Variants in IL20RB observed in about 807,000 individuals in gnomAD.
The protein encoded by IL20RB is interleukin-20 receptor subunit beta.
In IL20RB, 21 loss-of-function variants were observed where a neutral mutation model predicts 33.3. The observed-to-expected ratio is 0.63, with a 90% CI of 0.45 to 0.91. The LOEUF (loss-of-function observed/expected upper bound fraction) is 0.91. Among genes scored for constraint, IL20RB ranks in the 40% least tolerant of loss-of-function variants. IL20RB has a pLI of 0.00. For missense variants in IL20RB, 345 were observed against 384.8 expected (o/e 0.90, Z 0.86); for synonymous variants, 147 against 146.8 (o/e 1.00, Z -0.01).
At chr3:136,986,783 C>T (rs1419748422) in intron 3 of IL20RB, 4 of 456,068 alleles carry the variant, frequency 8.8e-6, no homozygotes, top group Admixed American at 4.7e-5. Flanking sequence ...CAGACCCTCG[C>T]GGTGAGTGTT....
intron 6 of IL20RB, among the ~76,000 whole-genome samples, chr3:137,001,710 T>C (rs926598880): frequency 1.3e-5 from 2 of 152,192 alleles, no homozygotes; most frequent in African/African-American, 2.4e-5. Context: ...TAGGTGATGG[T>C]TGCACTCTGA....
chr3:136,986,760 A>G (rs1438797960), intron 3 of IL20RB: 1 of 456,868 alleles, frequency 2.2e-6, no homozygotes, highest in South Asian at 1.5e-5. Flanking sequence ...CACTGACTTC[A>G]AGAATGAAGC....
chr3:136,993,094 G>A (rs1942063623), intron 5 of IL20RB, among the ~76,000 whole-genome samples: 1 of 152,216 alleles, frequency 6.6e-6, no homozygotes, highest in South Asian at 2.1e-4. Context: ...CAGGCATGGT[G>A]GCTCACACCT....
intron 6 of IL20RB, among the ~76,000 whole-genome samples, chr3:137,001,727 A>T (rs749550284): frequency 6.6e-6 from 1 of 152,146 alleles, no homozygotes; most frequent in African/African-American, 2.4e-5. Context: ...CTGAAATATG[A>T]CATTAAGAAT....
intron 3 of IL20RB, among the ~76,000 whole-genome samples, chr3:136,984,715 G>C (rs529595814): frequency 6.6e-6 from 1 of 152,218 alleles, no homozygotes; most frequent in African/African-American, 2.4e-5. Flanking sequence ...TTTTGGTGCA[G>C]ATTGTGGGCT....
intron 2 of IL20RB, among the ~76,000 whole-genome samples, chr3:136,981,012 T>C (rs184536900): frequency 6.6e-6 from 1 of 152,326 alleles, no homozygotes; most frequent in East Asian, 1.9e-4. Flanking sequence ...GAGCAGGCTC[T>C]AGTCTTCTCC....
At chr3:136,989,398 C>G (rs1941985735) in intron 3 of IL20RB, 43 bp from the exon 4 acceptor site, 3 of 1,610,014 alleles carry the variant, frequency 1.9e-6, no homozygotes, top group Admixed American at 1.7e-5. Context: ...GAAATCAACC[C>G]TGTCTGGGGC....
At position 137,010,493 on chromosome 3, in the gene IL20RB, C is replaced by G. The variant is rs1933068069; in HGVS notation, c.*270C>G. 2.8e-6 allele frequency: 1 copy of G among 362,048 alleles called. No homozygotes were observed. The highest frequency in any genetic ancestry group is 2.0e-5 in the African/African-American group (1 of 49,086). The allele number at this position is 362,048 out of a possible 1,614,324, so 22.4% of individuals were successfully genotyped here. On this transcript the variant is annotated 3_prime_UTR_variant, in exon 7 of 7. Transcript: ENST00000329582. ...GGAAAAGTGACTTCATCCCTTCGGT[C>G]CTAAGTTTTCTCATCTGTAATGGGG...
At chr3:136,995,290 G>T (rs1942103718) in intron 5 of IL20RB, 124 bp from the exon 6 acceptor site, 16 of 1,134,398 alleles carry the variant, frequency 1.4e-5, no homozygotes, top group South Asian at 1.1e-4. Context: ...CAAATCTCAG[G>T]ATTCTGTTAT....
chr3:136,987,270 G>A (rs958984901), intron 3 of IL20RB, among the ~76,000 whole-genome samples: 1 of 151,910 alleles, frequency 6.6e-6, no homozygotes, highest in South Asian at 2.1e-4. Context: ...AGACACAAAG[G>A]TTCTCCACGT....
chr3:136,989,000 T>G (rs1941972723), intron 3 of IL20RB, among the ~76,000 whole-genome samples: 1 of 152,138 alleles, frequency 6.6e-6, no homozygotes, highest in Admixed American at 6.5e-5. Flanking sequence ...TTGGCAAGCA[T>G]TAAAATATAG....
chr3:137,006,976 T>C (rs565626482), intron 6 of IL20RB, among the ~76,000 whole-genome samples: 1 of 152,326 alleles, frequency 6.6e-6, no homozygotes, highest in African/African-American at 2.4e-5. Context: ...TTTTTGTTGA[T>C]GTTGATGCTC....
At chr3:136,990,232 C>G (rs1164974477) in intron 4 of IL20RB, among the ~76,000 whole-genome samples, 1 of 152,006 alleles carries the variant, frequency 6.6e-6, no homozygotes, top group Non-Finnish European at 1.5e-5. Context: ...GAGCCTCTGT[C>G]CAAGCATATG....
chr3:136,974,532 A>G (rs1176338815), intron 1 of IL20RB, among the ~76,000 whole-genome samples: 1 of 151,992 alleles, frequency 6.6e-6, no homozygotes, highest in Non-Finnish European at 1.5e-5. Context: ...CCATCAGACT[A>G]GATGCTTTTT....
In IL20RB at chr3:136,973,795, T is replaced by A. The variant is rs115378291; in HGVS notation, c.89-6671T>A. Among the ~76,000 whole-genome samples the A allele has an allele frequency of 4.4e-3, 669 of 152,272 alleles. 6 individuals carry two copies. The highest frequency in any genetic ancestry group is 0.015 in the African/African-American group (638 of 41,560). ...TTGTTATAACTTCTTGCTGCATTGA[T>A]CCATTTATCACTATATAGTAACCTT... On this transcript the variant is annotated intron_variant, in intron 1 of 6. Transcript: ENST00000329582.
chr3:136,994,787 C>T (rs1175527770), intron 5 of IL20RB, among the ~76,000 whole-genome samples: 2 of 152,162 alleles, frequency 1.3e-5, no homozygotes, highest in African/African-American at 2.4e-5. Flanking sequence ...CTCACTTAAC[C>T]ATTCTGAGCA....
intron 6 of IL20RB, among the ~76,000 whole-genome samples, chr3:136,998,129 C>CTTTTT (rs35491086): frequency 1.0e-4 from 12 of 119,382 alleles, no homozygotes; most frequent in Non-Finnish European, 1.7e-4. Flanking sequence ...ATTTTCTTTT[C>CTTTTT]TTTTTTTTTT....
chr3:136,991,135 G>A (rs1292012006), intron 4 of IL20RB, among the ~76,000 whole-genome samples: 2 of 152,222 alleles, frequency 1.3e-5, no homozygotes, highest in Non-Finnish European at 2.9e-5. Context: ...GTGGATGAGT[G>A]AGGAGGTGCT....
intron 6 of IL20RB, among the ~76,000 whole-genome samples, chr3:137,008,613 G>C (rs1316184322): frequency 2.6e-5 from 4 of 152,074 alleles, no homozygotes; most frequent in Admixed American, 2.6e-4. Context: ...ACATTAATGT[G>C]CTAGAACTGC....
Sources: gnomAD v4.1 joint callset for allele counts (sites outside exome capture counted in the v4.1 genomes callset) on GRCh38, gnomAD v4.1.1 for gene constraint, MANE v1.5 for transcripts, NCBI Gene and HGNC (gene_info 2026-07-23, HGNC 2026-07-21) for gene names.